PRKG2: variants seen among roughly 807,000 people sequenced by gnomAD.
PRKG2 encodes the protein protein kinase cGMP-dependent 2.
In PRKG2, 33 loss-of-function variants were observed where a neutral mutation model predicts 97.2. The observed-to-expected ratio is 0.34, with a 90% CI of 0.26 to 0.45. PRKG2 has a LOEUF of 0.45. Ranked by LOEUF, PRKG2 falls within the 20% of genes least tolerant of loss-of-function variation. The pLI, the probability that PRKG2 is intolerant of heterozygous loss-of-function variation, is 1.00. For synonymous variants in PRKG2, 330 were observed against 321.8 expected (o/e 1.03, Z -0.27); for missense variants, 638 against 900.0 (o/e 0.71, Z 3.73).
chr4:81,197,722 T>A (rs1256550961), intron 2 of PRKG2, among the ~76,000 whole-genome samples: 1 of 151,560 alleles, frequency 6.6e-6, no homozygotes, highest in Non-Finnish European at 1.5e-5. Context: ...GGCCATTGAC[T>A]AGTCAGATAT....
rs1000243529 is a variant in PRKG2 at position 81,105,858 on chromosome 4, C to G, written c.2018G>C (p.Arg673Thr). 2 of 1,613,752 alleles carry G rather than the reference C, an allele frequency of 1.2e-6. No homozygotes were observed. Among genetic ancestry groups the G allele is most frequent in the African/African-American group, 2.7e-5 (2 of 74,898 alleles). ...LKGIEKMDFP[R>T]KITRRPEDLI... ...ATCCTCAGGTCGTCGTGTTATCTTC[C>G]TGGGAAAATCCATTTTTTCAATTCC... The change falls in exon 16 of 19, where the codon AGG becomes ACG. Residue 673 changes from arginine (R) to threonine (T), a missense_variant. By Grantham distance (71) the Arg-to-Thr change is moderately conservative. This residue lies in a region of PRKG2 where 304 missense variants were observed against 460.5 expected (regional missense o/e 0.66). Coordinates refer to ENST00000264399, the MANE Select transcript of PRKG2 (RefSeq NM_006259.3).
chr4:81,117,028 A>C, intron 14 of PRKG2, among the ~76,000 whole-genome samples: 1 of 121,882 alleles, frequency 8.2e-6, no homozygotes, highest in African/African-American at 3.4e-5. Flanking sequence ...GGTCTCACTC[A>C]GTCACCCAGG....
chr4:81,091,596 T>C (rs1374799241), intron 18 of PRKG2, among the ~76,000 whole-genome samples: 1 of 152,184 alleles, frequency 6.6e-6, no homozygotes, highest in Non-Finnish European at 1.5e-5. Flanking sequence ...TGTTTTATTT[T>C]AAAATGTCAA....
chr4:81,100,134 C>A (rs1158555546), intron 17 of PRKG2, among the ~76,000 whole-genome samples: 1 of 151,620 alleles, frequency 6.6e-6, no homozygotes, highest in East Asian at 1.9e-4. Context: ...AATGGCCATA[C>A]TGCCCAAGGT....
intron 6 of PRKG2, among the ~76,000 whole-genome samples, chr4:81,155,307 A>G (rs971925737): frequency 6.6e-6 from 1 of 152,038 alleles, no homozygotes; most frequent in Non-Finnish European, 1.5e-5. Flanking sequence ...AGCCGATGCG[A>G]TCAGCTGGAA....
intron 2 of PRKG2, among the ~76,000 whole-genome samples, chr4:81,193,695 C>T (rs1322183643): frequency 3.9e-5 from 6 of 151,986 alleles, no homozygotes; most frequent in African/African-American, 1.5e-4. Context: ...CAAAAATTAG[C>T]AGGGTGTGGT....
At chr4:81,143,265 T>C (rs755322190) in intron 10 of PRKG2, among the ~76,000 whole-genome samples, 2 of 152,088 alleles carry the variant, frequency 1.3e-5, no homozygotes, top group Non-Finnish European at 2.9e-5. Flanking sequence ...GTGTGGAAAT[T>C]TTTTTTAACT....
chr4:81,208,479 T>C (rs1410636804), intron 1 of PRKG2, among the ~76,000 whole-genome samples: 1 of 152,174 alleles, frequency 6.6e-6, no homozygotes, highest in Non-Finnish European at 1.5e-5. Flanking sequence ...TGAGATGCAG[T>C]GGCCAGTGGT....
At chr4:81,154,462 C>CG (rs1748784710) in intron 6 of PRKG2, among the ~76,000 whole-genome samples, 2 of 150,384 alleles carry the variant, frequency 1.3e-5, no homozygotes, top group African/African-American at 5.0e-5. Flanking sequence ...GTCCCTGACC[C>CG]TGACCCCCGA....
Position 81,141,580 on chromosome 4 carries a change from T to C in PRKG2, c.1408-911A>G, listed in dbSNP as rs112889442. ...TAAACATTTTAAAATAATTTTTTGA[T>C]AGATTTAAAACTCCATAAGCAGACT... On this transcript the variant is annotated intron_variant, in intron 11 of 18. Transcript: ENST00000264399. 6.3e-4 allele frequency among the ~76,000 whole-genome samples: 96 copies of C among 152,302 alleles called. 1 individual carries two copies. The highest frequency in any genetic ancestry group is 2.2e-3 in the African/African-American group (92 of 41,568).
chr4:81,176,447 C>T (rs1750938119), intron 2 of PRKG2, among the ~76,000 whole-genome samples: 1 of 152,032 alleles, frequency 6.6e-6, no homozygotes, highest in Non-Finnish European at 1.5e-5. Flanking sequence ...CATTTTTATC[C>T]ACTAAAGCCA....
chr4:81,209,457 G>A (rs1460541742), intron 1 of PRKG2, among the ~76,000 whole-genome samples: 1 of 152,094 alleles, frequency 6.6e-6, no homozygotes, highest in Non-Finnish European at 1.5e-5. Flanking sequence ...GCTGGCTAAG[G>A]TTATGGATCC....
chr4:81,183,632 C>A (rs1751615971), intron 2 of PRKG2, among the ~76,000 whole-genome samples: 1 of 151,876 alleles, frequency 6.6e-6, no homozygotes, highest in African/African-American at 2.4e-5. Context: ...CCTGGAATGC[C>A]AGAAAGACAG....
intron 11 of PRKG2, among the ~76,000 whole-genome samples, chr4:81,142,570 G>A (rs917980018): frequency 3.9e-5 from 6 of 152,218 alleles, no homozygotes; most frequent in South Asian, 2.1e-4. Flanking sequence ...CACAAAAGAC[G>A]TGATGTAAGC....
At chr4:81,215,952 G>A (rs1419618290), upstream of PRKG2, among the ~76,000 whole-genome samples, 1 of 151,806 alleles carries the variant, frequency 6.6e-6, no homozygotes, top group Admixed American at 6.6e-5. Flanking sequence ...CGCATTATTT[G>A]CTGTGCTCTG....
rs78349642 is a variant in PRKG2, at chr4:81,170,177, G to A, written c.743-409C>T. Among the ~76,000 whole-genome samples the A allele has an allele frequency of 2.3e-3, 348 of 152,250 alleles. 5 individuals carry two copies. The highest frequency in any genetic ancestry group is 7.9e-3 in the African/African-American group (330 of 41,572). On this transcript the variant is annotated intron_variant, in intron 4 of 18. Transcript: ENST00000264399. ...AATTGAAAGTTAAAGCTATCTGTGT[G>A]TATGTGTGTGTTTTTATGTGTCTTT... is the stretch of plus-strand genomic sequence containing the variant.
intron 3 of PRKG2, chr4:81,174,053 A>C (rs990707239): frequency 2.3e-4 from 35 of 152,072 alleles, no homozygotes; most frequent in Non-Finnish European, 4.4e-5. Flanking sequence ...AGAGAAAAAA[A>C]TTGAGTAGTC....
intron 2 of PRKG2, among the ~76,000 whole-genome samples, chr4:81,181,004 T>G (rs1751362089): frequency 8.8e-6 from 1 of 113,470 alleles, no homozygotes; most frequent in Non-Finnish European, 1.8e-5. Context: ...CCCACAGCAG[T>G]CCCCGGAGTG....
intron 2 of PRKG2, among the ~76,000 whole-genome samples, chr4:81,195,303 A>T (rs893547637): frequency 6.6e-6 from 1 of 152,146 alleles, no homozygotes; most frequent in African/African-American, 2.4e-5. Flanking sequence ...TCCTCCCAGC[A>T]TTCTGTCTGG....
Sources: gnomAD v4.1 joint callset for allele counts (sites outside exome capture counted in the v4.1 genomes callset) on GRCh38, gnomAD v4.1.1 for gene constraint, gnomAD v4.1.1 regional missense constraint, MANE v1.5 for transcripts, NCBI Gene and HGNC (gene_info 2026-07-23, HGNC 2026-07-21) for gene names.